The following TMEM163 variants were observed in gnomAD, a reference collection of about 807,000 sequenced individuals.
The protein encoded by TMEM163 is transmembrane protein 163.
In TMEM163, 17 loss-of-function variants were observed where a neutral mutation model predicts 29.3. That is an observed-to-expected ratio of 0.58 (90% CI 0.40 to 0.87). The LOEUF (loss-of-function observed/expected upper bound fraction) is 0.87, where lower values mean the gene tolerates loss of function less well. Among genes scored for constraint, TMEM163 ranks in the 40% least tolerant of loss-of-function variants. The pLI, the probability that TMEM163 is intolerant of heterozygous loss-of-function variation, is 0.00. For synonymous variants in TMEM163, 157 were observed against 160.6 expected (o/e 0.98, Z 0.17); for missense variants, 303 against 381.5 (o/e 0.79, Z 1.71).
chr2:134,456,405 G>A lies in TMEM163; in HGVS notation c.*311C>T, dbSNP rs1043550486. 12 of 380,610 alleles carry A rather than the reference G, an allele frequency of 3.2e-5. No individual in the cohort carries two copies. The highest frequency in any genetic ancestry group is 1.5e-4 in the South Asian group (5 of 34,032). 23.6% of individuals were successfully genotyped at this position (380,610 alleles called of 1,614,324 possible). On this transcript the variant is annotated 3_prime_UTR_variant, in exon 8 of 8. Coordinates refer to ENST00000281924, the MANE Select transcript of TMEM163 (RefSeq NM_030923.5). ...TGCAGCGCAGGCTCAGAGCACCACC[G>A]AAGACCTTTCTGCCAAAGATCTCAT...
intron 2 of TMEM163, among the ~76,000 whole-genome samples, chr2:134,627,493 T>C (rs540355795): frequency 6.6e-6 from 1 of 152,332 alleles, no homozygotes; most frequent in South Asian, 2.1e-4. Flanking sequence ...AAAACTTTTA[T>C]ATTTGAGTTT....
Position 134,456,668 on chromosome 2 carries a change from A to G in TMEM163, c.*48T>C. On this transcript the variant is annotated 3_prime_UTR_variant, in exon 8 of 8. Transcript: ENST00000281924. ...AGTTAAATATTGGCACCCTTTGCCTATGTGGAAACTCCTCATCTCGATGGT... is the reference window on the plus strand; with the variant it reads ...AGTTAAATATTGGCACCCTTTGCCTGTGTGGAAACTCCTCATCTCGATGGT... The G allele has an allele frequency of 1.2e-6, 2 of 1,603,958 alleles. No individual in the cohort carries two copies. The highest frequency in any genetic ancestry group is 1.7e-5 in the Admixed American group (1 of 59,764).
At chr2:134,670,446 TG>T in intron 2 of TMEM163, among the ~76,000 whole-genome samples, 1 of 152,302 alleles carries the variant, frequency 6.6e-6, no homozygotes, top group East Asian at 1.9e-4. Context: ...GGGCAAGATT[TG>T]GGCTTCTCCC....
At chr2:134,630,273 A>G (rs1313833361) in intron 2 of TMEM163, among the ~76,000 whole-genome samples, 1 of 151,500 alleles carries the variant, frequency 6.6e-6, no homozygotes, top group African/African-American at 2.4e-5. Flanking sequence ...TCTCTAGGAC[A>G]GGGTAGGTTT....
At chr2:134,645,063 T>C (rs1476612430) in intron 2 of TMEM163, among the ~76,000 whole-genome samples, 1 of 152,202 alleles carries the variant, frequency 6.6e-6, no homozygotes, top group Admixed American at 6.5e-5. Context: ...AACCATGAGA[T>C]ACTACTGCAT....
At chr2:134,594,508 T>C (rs570605846) in intron 2 of TMEM163, among the ~76,000 whole-genome samples, 10 of 152,088 alleles carry the variant, frequency 6.6e-5, no homozygotes, top group Non-Finnish European at 1.0e-4. Flanking sequence ...GCTATTTATA[T>C]GCTGCCTGTC....
chr2:134,530,274 G>A (rs570517641), intron 4 of TMEM163, among the ~76,000 whole-genome samples: 8 of 152,218 alleles, frequency 5.3e-5, no homozygotes, highest in African/African-American at 9.6e-5. Context: ...TGATGTGTGT[G>A]TTTAATATAT....
chr2:134,523,803 C>T (rs1680236198), intron 4 of TMEM163, among the ~76,000 whole-genome samples: 1 of 152,190 alleles, frequency 6.6e-6, no homozygotes. Context: ...GTGGTTCTCA[C>T]CTGAGGAGAT....
In TMEM163 at chr2:134,659,759, G is replaced by A. The variant is rs111355915; in HGVS notation, c.322+53441C>T. Among the ~76,000 whole-genome samples the A allele has an allele frequency of 1.1e-3, 172 of 152,272 alleles. 1 individual carries two copies. Among genetic ancestry groups the A allele is most frequent in the African/African-American group, 3.8e-3 (159 of 41,550 alleles). On this transcript the variant is annotated intron_variant, in intron 2 of 7. Coordinates refer to ENST00000281924, the MANE Select transcript of TMEM163 (RefSeq NM_030923.5). ...GTCTGAGACCAGCCTGGGCAACAAA[G>A]AGAGATTAACCCCATCTCTACGAAA... is the stretch of plus-strand genomic sequence containing the variant.
chr2:134,687,543 A>T (rs1684375316), intron 2 of TMEM163, among the ~76,000 whole-genome samples: 1 of 152,264 alleles, frequency 6.6e-6, no homozygotes, highest in East Asian at 1.9e-4. Context: ...AGGCCTCTCT[A>T]AAAGTGATGC....
chr2:134,655,929 G>A (rs1299863804), intron 2 of TMEM163, among the ~76,000 whole-genome samples: 5 of 142,630 alleles, frequency 3.5e-5, no homozygotes, highest in African/African-American at 1.2e-4. Flanking sequence ...CTGTGTGCTG[G>A]GAGAACCACT....
chr2:134,658,183 A>G (rs1683664355), intron 2 of TMEM163, among the ~76,000 whole-genome samples: 1 of 152,244 alleles, frequency 6.6e-6, no homozygotes, highest in Admixed American at 6.5e-5. Context: ...GCAAAAGCCT[A>G]TGAGAACATG....
chr2:134,573,877 C>A (rs1681490086), intron 2 of TMEM163, among the ~76,000 whole-genome samples: 2 of 152,144 alleles, frequency 1.3e-5, no homozygotes, highest in Non-Finnish European at 2.9e-5. Context: ...ATGCTGCCTC[C>A]ATTTCTAGAG....
At chr2:134,548,507 A>G (rs549780492) in intron 4 of TMEM163, among the ~76,000 whole-genome samples, 73 of 152,312 alleles carry the variant, frequency 4.8e-4, no homozygotes, top group South Asian at 1.2e-3. Flanking sequence ...ATATCTCTAC[A>G]TTATACTCTC....
At chr2:134,490,117 C>T (rs1375017634) in intron 5 of TMEM163, among the ~76,000 whole-genome samples, 1 of 152,052 alleles carries the variant, frequency 6.6e-6, no homozygotes, top group Non-Finnish European at 1.5e-5. Flanking sequence ...GACAAGTAGA[C>T]AAAGAATTAT....
intron 2 of TMEM163, among the ~76,000 whole-genome samples, chr2:134,651,601 G>A (rs1356462664): frequency 4.1e-5 from 5 of 122,702 alleles, no homozygotes; most frequent in Non-Finnish European, 6.4e-5. Flanking sequence ...TTGGTGTTTT[G>A]GACATGAAGT....
At chr2:134,707,172 A>G (rs964407001) in intron 2 of TMEM163, among the ~76,000 whole-genome samples, 3 of 152,212 alleles carry the variant, frequency 2.0e-5, no homozygotes, top group Non-Finnish European at 2.9e-5. Context: ...GACGCTAGGC[A>G]GGAAAACATT....
At chr2:134,480,403 C>T (rs76040890) in intron 5 of TMEM163, among the ~76,000 whole-genome samples, 1 of 151,996 alleles carries the variant, frequency 6.6e-6, no homozygotes, top group Non-Finnish European at 1.5e-5. Flanking sequence ...TCCTCACCCC[C>T]GATCTTTCTT....
At chr2:134,646,228 G>A (rs903552641) in intron 2 of TMEM163, among the ~76,000 whole-genome samples, 1 of 151,632 alleles carries the variant, frequency 6.6e-6, no homozygotes, top group African/African-American at 2.4e-5. Flanking sequence ...GGGATTACAG[G>A]TGCCCGCCAC....
Sources: allele counts gnomAD v4.1 joint callset (sites outside exome capture counted in the v4.1 genomes callset), GRCh38; gene constraint gnomAD v4.1.1; transcripts MANE v1.5; gene names NCBI Gene and HGNC (gene_info 2026-07-23, HGNC 2026-07-21).